The following ERMARD variants were observed in gnomAD, a reference collection of about 807,000 sequenced individuals.
ERMARD encodes endoplasmic reticulum membrane-associated RNA degradation protein.
Under a neutral mutation model 83.9 loss-of-function variants are expected in ERMARD, and 71 were observed. The observed-to-expected ratio is 0.85, with a 90% CI of 0.70 to 1.03. ERMARD has a LOEUF of 1.03. Among genes scored for constraint, ERMARD ranks in the 50% least tolerant of loss-of-function variants. The pLI is 0.00. For synonymous variants in ERMARD, 284 were observed against 298.6 expected, an observed-to-expected ratio of 0.95 and a Z score of 0.50; for missense variants, 838 against 810.9, an observed-to-expected ratio of 1.03 and a Z score of -0.41.
At chr6:169,756,673 A>C in intron 4 of ERMARD, 46 bp from the exon 5 acceptor site, 4 of 1,511,640 alleles carry the variant, frequency 2.6e-6, no homozygotes, top group Non-Finnish European at 3.7e-6. Flanking sequence ...TTTAATGTTT[A>C]TTGGCTCATA....
At chr6:169,752,114 C>T (rs1790196199) in intron 1 of ERMARD, among the ~76,000 whole-genome samples, 1 of 152,176 alleles carries the variant, frequency 6.6e-6, no homozygotes, top group South Asian at 2.1e-4. Context: ...CCATCTACTC[C>T]GTAGGCTGAG....
intron 7 of ERMARD, 80 bp downstream of exon 7, chr6:169,760,054 C>T (rs528564951): frequency 1.0e-5 from 16 of 1,582,520 alleles, no homozygotes; most frequent in Non-Finnish European, 1.7e-6. Flanking sequence ...AAGAGGTGCA[C>T]TCTTGAGGTG....
chr6:169,769,394 G>A, intron 11 of ERMARD, 146 bp from the exon 12 acceptor site: 1 of 653,416 alleles, frequency 1.5e-6, no homozygotes, highest in Middle Eastern at 3.5e-4. Flanking sequence ...TCCTGTGGGT[G>A]TAGGAGAAGA....
In ERMARD at chr6:169,775,310, T is replaced by G. The variant is rs2128364227; in HGVS notation, c.1358T>G (p.Leu453Arg). Residue 453 changes from leucine (L) to arginine (R), a missense_variant, in exon 14 of 18, where the codon CTG becomes CGG. Coordinates refer to ENST00000366773, the MANE Select transcript of ERMARD (RefSeq NM_018341.3). ...GAGAGCATCAGGGTTTGGGCTCTGC[T>G]GCCTTTCCCCGAAGAACTCACTCGG... ...CEESIRVWAL[L>R]PFPEELTRQA... 1 of 1,614,224 alleles carries G rather than the reference T, an allele frequency of 6.2e-7. No homozygotes were observed. The highest frequency in any genetic ancestry group is 2.2e-5 in the East Asian group (1 of 44,894).
intron 17 of ERMARD, among the ~76,000 whole-genome samples, chr6:169,780,898 A>G (rs1220917780): frequency 6.6e-6 from 1 of 152,162 alleles, no homozygotes; most frequent in African/African-American, 2.4e-5. Context: ...CGAAACCCAC[A>G]TGTTCAGGGG....
At chr6:169,776,696 T>G (rs1475568233) in intron 16 of ERMARD, 23 bp downstream of exon 16, 2 of 1,611,306 alleles carry the variant, frequency 1.2e-6, no homozygotes, top group African/African-American at 2.7e-5. Flanking sequence ...TTTCCTGTTT[T>G]GGAGGGGCAC....
chr6:169,754,286 G>A (rs968381411), intron 2 of ERMARD, among the ~76,000 whole-genome samples: 2 of 151,954 alleles, frequency 1.3e-5, no homozygotes, highest in African/African-American at 4.8e-5. Context: ...AGGGGCTGGT[G>A]GGCTGTTGAT....
Position 169,773,383 on chromosome 6 carries a change from T to C in ERMARD, c.1298T>C (p.Val433Ala), listed in dbSNP as rs1217632204. Reference protein sequence around the residue: ...AEGYSSRCHPVFQLKKQVLSC... With the variant: ...AEGYSSRCHPAFQLKKQVLSC... ...GGCTATAGTTCTCGCTGTCATCCGG[T>C]TTTTCAGCTTAAAAAACAGGTATGC... The change falls in exon 13 of 18, where the codon GTT (valine) becomes GCT (alanine). Residue 433 changes from valine (V) to alanine (A), a missense_variant. Transcript: ENST00000366773. 1 of 1,614,008 alleles carries C rather than the reference T, an allele frequency of 6.2e-7. No individual in the cohort carries two copies. The highest frequency in any genetic ancestry group is 8.5e-7 in the Non-Finnish European group (1 of 1,179,960).
intron 12 of ERMARD, 117 bp downstream of exon 12, chr6:169,769,830 A>G (rs1299131552): frequency 2.2e-6 from 2 of 926,790 alleles, no homozygotes; most frequent in East Asian, 2.8e-5. Flanking sequence ...GAGTTACAGT[A>G]TCCTCCATCA....
At chr6:169,766,959 G>C in intron 10 of ERMARD, 1 of 309,022 alleles carries the variant, frequency 3.2e-6, no homozygotes, top group Admixed American at 5.0e-5. Context: ...ATTTAGGGGT[G>C]ACATCTTTTT....
intron 14 of ERMARD, 191 bp from the exon 15 acceptor site, chr6:169,775,749 C>G (rs1171346888): frequency 2.8e-6 from 2 of 705,310 alleles, no homozygotes; most frequent in Non-Finnish European, 4.6e-6. Context: ...CGTCACTGGA[C>G]TTTGCTCTTG....
intron 10 of ERMARD, chr6:169,767,898 T>C: frequency 1.7e-6 from 1 of 587,958 alleles, no homozygotes; most frequent in East Asian, 2.8e-5. Context: ...TGTATACAAT[T>C]ATTAATATAG....
chr6:169,754,066 A>C (rs369223747), intron 2 of ERMARD, 34 bp downstream of exon 2: 2 of 1,561,826 alleles, frequency 1.3e-6, no homozygotes, highest in Non-Finnish European at 1.7e-6. Context: ...AACTTTCATA[A>C]CTGTCCCATT....
At chr6:169,767,203 T>A (rs1792319149) in intron 10 of ERMARD, 1 of 152,404 alleles carries the variant, frequency 6.6e-6, no homozygotes, top group Non-Finnish European at 1.5e-5. Flanking sequence ...GTCCGGACAT[T>A]CGGTTTTGCC....
chr6:169,767,490 C>CCACA (rs1792349839), intron 10 of ERMARD: 1 of 153,642 alleles, frequency 6.5e-6, no homozygotes, highest in African/African-American at 2.4e-5. Flanking sequence ...CATGCACACA[C>CCACA]CACACATACA....
Position 169,760,692 on chromosome 6 carries a change from G to A in ERMARD, c.793G>A (p.Ala265Thr), listed in dbSNP as rs117663755. The A allele has an allele frequency of 1.6e-5, 26 of 1,613,840 alleles. No individual in the cohort carries two copies. The East Asian group carries it at 5.8e-4, about 36-fold the overall frequency. The change falls in exon 8 of 18, where the codon GCT (alanine) becomes ACT (threonine). Residue 265 changes from alanine (A) to threonine (T), a missense_variant. Coordinates refer to ENST00000366773, the MANE Select transcript of ERMARD (RefSeq NM_018341.3). ...ATTAGAAGAAGTGATGATGAAATCT[G>A]CTTTTATATTAAAAATCATGTTACC... is the stretch of plus-strand genomic sequence containing the variant. ...SVLEEVMMKS[A>T]FILKIMLPYW...
At chr6:169,758,753 T>C (rs1229968134) in intron 5 of ERMARD, among the ~76,000 whole-genome samples, 2 of 152,178 alleles carry the variant, frequency 1.3e-5, no homozygotes, top group African/African-American at 4.8e-5. Context: ...ACCTTCCTCA[T>C]AGGTTGTTCT....
intron 10 of ERMARD, chr6:169,767,756 TAC>T (rs59747825): frequency 0.14 from 36,313 of 254,906 alleles, 2,293 homozygotes; most frequent in East Asian, 0.53. Context: ...GCACATACAC[TAC>T]ACACACACAC....
intron 14 of ERMARD, 107 bp from the exon 15 acceptor site, chr6:169,775,833 A>G: frequency 1.5e-6 from 2 of 1,345,066 alleles, no homozygotes; most frequent in Non-Finnish European, 2.0e-6. Context: ...GGAAAGTGAG[A>G]TTCACAGTCA....
Sources: gnomAD v4.1 joint callset for allele counts (sites outside exome capture counted in the v4.1 genomes callset) on GRCh38, gnomAD v4.1.1 for gene constraint, MANE v1.5 for transcripts, NCBI Gene and HGNC (gene_info 2026-07-23, HGNC 2026-07-21) for gene names.